Variants in HIVEP3 observed in about 807,000 individuals in gnomAD.
HIVEP3 encodes the protein transcription factor HIVEP3.
A neutral mutation model predicts 152.8 loss-of-function variants in HIVEP3; 49 were observed. That is an observed-to-expected ratio of 0.32 (90% CI 0.26 to 0.41). HIVEP3 has a LOEUF of 0.41. Ranked by LOEUF, HIVEP3 falls within the 10% of genes least tolerant of loss-of-function variation. The pLI is 1.00. For synonymous variants in HIVEP3, 1,269 were observed against 1,289.0 expected (o/e 0.98, Z 0.33); for missense variants, 2,790 against 3,103.3 (o/e 0.90, Z 2.40).
chr1:41,565,177 T>C (rs1162734224), intron 5 of HIVEP3, among the ~76,000 whole-genome samples: 4 of 152,212 alleles, frequency 2.6e-5, no homozygotes, highest in African/African-American at 9.7e-5. Flanking sequence ...GTTTACTTTA[T>C]GGCTTGGCTG....
chr1:41,917,143 T>A (rs181791128), intron 1 of HIVEP3, among the ~76,000 whole-genome samples: 5 of 152,126 alleles, frequency 3.3e-5, no homozygotes, highest in African/African-American at 4.8e-5. Flanking sequence ...CTTAAACAAC[T>A]GTAGCACCCA....
chr1:41,900,574 C>A (rs1422469295), intron 1 of HIVEP3, among the ~76,000 whole-genome samples: 1 of 152,136 alleles, frequency 6.6e-6, no homozygotes, highest in African/African-American at 2.4e-5. Context: ...TATCCCTTCC[C>A]TCTCCCCACT....
chr1:41,679,203 C>T (rs1420283213), intron 2 of HIVEP3, among the ~76,000 whole-genome samples: 1 of 152,242 alleles, frequency 6.6e-6, no homozygotes, highest in Non-Finnish European at 1.5e-5. Context: ...CTCCCCTACT[C>T]TTTTTGACAT....
chr1:41,768,390 G>C (rs1016609252), intron 1 of HIVEP3, among the ~76,000 whole-genome samples: 1 of 152,172 alleles, frequency 6.6e-6, no homozygotes, highest in African/African-American at 2.4e-5. Context: ...CCTCCCACCA[G>C]GTTCCTCCCA....
intron 5 of HIVEP3, among the ~76,000 whole-genome samples, chr1:41,527,683 C>A: frequency 6.8e-6 from 1 of 146,436 alleles, no homozygotes; most frequent in South Asian, 2.2e-4. Context: ...ACATCCCACC[C>A]TCATGCTCAC....
intron 3 of HIVEP3, among the ~76,000 whole-genome samples, chr1:41,590,216 G>A (rs1169725970): frequency 6.6e-6 from 1 of 152,262 alleles, no homozygotes; most frequent in Non-Finnish European, 1.5e-5. Flanking sequence ...ACAGAAGGAT[G>A]TCTGGGCAAA....
chr1:41,653,215 C>CGTGT (rs139355025), intron 2 of HIVEP3, among the ~76,000 whole-genome samples: 4 of 149,884 alleles, frequency 2.7e-5, no homozygotes, highest in Non-Finnish European at 5.9e-5. Context: ...AATGTGTGTG[C>CGTGT]GTGTGTGTGT....
intron 1 of HIVEP3, among the ~76,000 whole-genome samples, chr1:41,857,095 T>C (rs1643789311): frequency 6.6e-6 from 1 of 152,176 alleles, no homozygotes; most frequent in Admixed American, 6.5e-5. Context: ...CTGCAGTGCA[T>C]GCCAAGGAAT....
At chr1:41,685,050 G>C (rs1646094684) in intron 2 of HIVEP3, among the ~76,000 whole-genome samples, 1 of 152,134 alleles carries the variant, frequency 6.6e-6, no homozygotes, top group South Asian at 2.1e-4. Context: ...TCCAGTCCTG[G>C]CTCTGACACT....
intron 1 of HIVEP3, among the ~76,000 whole-genome samples, chr1:42,013,900 T>C (rs1645506589): frequency 6.6e-6 from 1 of 152,206 alleles, no homozygotes; most frequent in African/African-American, 2.4e-5. Flanking sequence ...CCCTCCATAA[T>C]ATTCCTCTAC....
At position 41,990,569 on chromosome 1, in the gene HIVEP3, A is replaced by T. The variant is rs1404672301; in HGVS notation, n.119+45238T>A. 4.1e-5 allele frequency among the ~76,000 whole-genome samples: 6 copies of T among 144,926 alleles called. No individual in the cohort carries two copies. The East Asian group carries it at 1.3e-3, about 30-fold the overall frequency. ...TAATAATGGGAGACTTTAACACCCC[A>T]CTGTCAACATTAGACAGATCAACGA... On this transcript the variant is annotated intron_variant and non_coding_transcript_variant, in intron 1 of 3. Coordinates refer to the HIVEP3 transcript ENST00000489103.
intron 1 of HIVEP3, among the ~76,000 whole-genome samples, chr1:41,881,518 A>C (rs1473578763): frequency 6.6e-6 from 1 of 152,260 alleles, no homozygotes; most frequent in African/African-American, 2.4e-5. Context: ...GTAAATACAT[A>C]GTAATCAGTT....
chr1:41,632,770 GA>G (rs1318952111), intron 2 of HIVEP3, among the ~76,000 whole-genome samples: 1 of 151,552 alleles, frequency 6.6e-6, no homozygotes, highest in Non-Finnish European at 1.5e-5. Context: ...AAAAAAAAAA[GA>G]ATAAAAAAAA....
chr1:41,518,239 T>C (rs1030685515), intron 7 of HIVEP3, among the ~76,000 whole-genome samples, 163 bp downstream of exon 7: 2 of 151,782 alleles, frequency 1.3e-5, no homozygotes, highest in African/African-American at 4.8e-5. Flanking sequence ...CTTTGTCTGA[T>C]ACTTGGGAGA....
chr1:41,583,174 A>T lies in HIVEP3; in HGVS notation c.1624T>A (p.Ser542Thr). The T allele has an allele frequency of 6.2e-7, 1 of 1,605,766 alleles. No individual in the cohort carries two copies. Among genetic ancestry groups the T allele is most frequent in the Non-Finnish European group, 8.5e-7 (1 of 1,174,988 alleles). The part of the protein sequence containing the change: ...APPVPLLRSH[S>T]MPSAACTIST... ...ATAGTGCAGGCGGCAGAAGGCATTGAGTGGCTTCTCAGGAGAGGCACAGGG... is the reference window on the plus strand; with the variant it reads ...ATAGTGCAGGCGGCAGAAGGCATTGTGTGGCTTCTCAGGAGAGGCACAGGG... The change falls in exon 4 of 9, where the codon TCA becomes ACA. Residue 542 changes from serine (S) to threonine (T), a missense_variant. Transcript: ENST00000372583. This position sits in a 1 kb window ranked among gnomAD's most constrained non-coding sequence, Gnocchi z 6.9.
chr1:41,721,798 C>A (rs1466306570), intron 1 of HIVEP3, among the ~76,000 whole-genome samples: 1 of 152,154 alleles, frequency 6.6e-6, no homozygotes, highest in Non-Finnish European at 1.5e-5. Flanking sequence ...GATGGGAGCC[C>A]AGGCAGGCAG....
chr1:41,625,528 C>T (rs1019087576), intron 3 of HIVEP3, among the ~76,000 whole-genome samples: 1 of 152,114 alleles, frequency 6.6e-6, no homozygotes, highest in African/African-American at 2.4e-5. Flanking sequence ...AGAGGTGTCG[C>T]TAATAACATA....
chr1:41,601,743 T>C (rs1251458973), intron 3 of HIVEP3, among the ~76,000 whole-genome samples: 1 of 152,202 alleles, frequency 6.6e-6, no homozygotes, highest in Non-Finnish European at 1.5e-5. Context: ...TCTTGCCTAA[T>C]TGCTCTGGCT....
intron 1 of HIVEP3, among the ~76,000 whole-genome samples, chr1:41,955,784 G>A (rs969433158): frequency 1.3e-5 from 2 of 152,224 alleles, no homozygotes; most frequent in Non-Finnish European, 2.9e-5. Flanking sequence ...TTGAGCAGAG[G>A]CATAATTAAA....
Sources: allele counts gnomAD v4.1 joint callset (sites outside exome capture counted in the v4.1 genomes callset), GRCh38; gene constraint gnomAD v4.1.1; non-coding constraint Gnocchi (gnomAD v3.1); transcripts MANE v1.5; gene names NCBI Gene and HGNC (gene_info 2026-07-23, HGNC 2026-07-21).